ARHGAP42: variants seen among roughly 807,000 people sequenced by gnomAD.
The protein encoded by ARHGAP42 is rho GTPase-activating protein 42.
ARHGAP42 carries 63 observed loss-of-function variants against 125.0 expected under a neutral mutation model. The observed-to-expected ratio is 0.50, with a 90% CI of 0.41 to 0.62. The LOEUF is 0.62. Among genes scored for constraint, ARHGAP42 ranks in the 20% least tolerant of loss-of-function variants. The pLI, the probability that ARHGAP42 is intolerant of heterozygous loss-of-function variation, is 0.00. For synonymous variants in ARHGAP42, 339 were observed against 351.0 expected (o/e 0.97, Z 0.38); for missense variants, 766 against 1,024.2 (o/e 0.75, Z 3.44).
rs1336273656 is a variant in ARHGAP42, at chr11:100,896,166, A to G, written c.385-17286A>G. Among the ~76,000 whole-genome samples, 13 of 152,354 alleles carry G rather than the reference A, an allele frequency of 8.5e-5. No homozygotes were observed. In the South Asian group the frequency reaches 1.2e-3, roughly 15 times the overall value. ...CTTCATCCATGTTCCTGCAAAGGAC[A>G]TGAACTCATCCTTTTTTATGGCTGC... is the stretch of plus-strand genomic sequence containing the variant. On this transcript the variant is annotated intron_variant, in intron 4 of 23. Coordinates refer to ENST00000298815, the MANE Select transcript of ARHGAP42 (RefSeq NM_152432.4).
chr11:100,754,574 G>A (rs563148053), intron 1 of ARHGAP42, among the ~76,000 whole-genome samples: 2 of 152,166 alleles, frequency 1.3e-5, no homozygotes, highest in Non-Finnish European at 2.9e-5. Flanking sequence ...AAGGAACATT[G>A]TTTAATATTG....
chr11:100,733,919 A>C (rs911559800), intron 1 of ARHGAP42, among the ~76,000 whole-genome samples: 1 of 149,794 alleles, frequency 6.7e-6, no homozygotes, highest in Non-Finnish European at 1.5e-5. Context: ...ACTTCCTTCC[A>C]AAGCAAAGTT....
intron 4 of ARHGAP42, among the ~76,000 whole-genome samples, chr11:100,863,053 ACACAAAACACACACAC>A (rs1565247640): frequency 1.5e-5 from 1 of 64,928 alleles, no homozygotes; most frequent in Non-Finnish European, 3.0e-5. Context: ...AAAAAAAAAA[ACACAAAACACACACAC>A]ACACACACAC....
At chr11:100,690,037 C>A (rs927313567) in intron 1 of ARHGAP42, among the ~76,000 whole-genome samples, 3 of 152,124 alleles carry the variant, frequency 2.0e-5, no homozygotes, top group Non-Finnish European at 4.4e-5. Flanking sequence ...CCAGACATGT[C>A]CCCTGGCATA....
At chr11:100,729,702 C>G (rs1328942440) in intron 1 of ARHGAP42, among the ~76,000 whole-genome samples, 1 of 152,022 alleles carries the variant, frequency 6.6e-6, no homozygotes, top group Admixed American at 6.6e-5. Context: ...CCATGTTATA[C>G]TACAGCAGAG....
At chr11:100,793,820 C>G (rs969366904) in intron 2 of ARHGAP42, among the ~76,000 whole-genome samples, 8 of 151,916 alleles carry the variant, frequency 5.3e-5, no homozygotes, top group African/African-American at 1.5e-4. Flanking sequence ...GCCTGTAATC[C>G]CAGCACTTTG....
intron 2 of ARHGAP42, among the ~76,000 whole-genome samples, chr11:100,791,505 G>A (rs183262423): frequency 8.2e-4 from 124 of 151,970 alleles, no homozygotes; most frequent in Admixed American, 1.8e-3. Context: ...AAAAAGTTAG[G>A]CCACTGTTAC....
chr11:100,737,526 T>C (rs893932178), intron 1 of ARHGAP42, among the ~76,000 whole-genome samples: 1 of 152,148 alleles, frequency 6.6e-6, no homozygotes, highest in Non-Finnish European at 1.5e-5. Flanking sequence ...CTTTCATGTG[T>C]TTCCATTTCT....
chr11:100,904,964 C>A (rs1191526557), intron 4 of ARHGAP42, among the ~76,000 whole-genome samples: 1 of 152,204 alleles, frequency 6.6e-6, no homozygotes, highest in Non-Finnish European at 1.5e-5. Context: ...CAGTACCAGT[C>A]ACAAAATGGG....
At chr11:100,747,466 A>G (rs753551277) in intron 1 of ARHGAP42, among the ~76,000 whole-genome samples, 3 of 152,196 alleles carry the variant, frequency 2.0e-5, no homozygotes, top group Non-Finnish European at 2.9e-5. Context: ...TTAACCTTTT[A>G]TAATTTTTGT....
chr11:100,750,415 T>G (rs61618525), intron 1 of ARHGAP42, among the ~76,000 whole-genome samples: 1,766 of 126,688 alleles, frequency 0.014, 27 homozygotes, highest in African/African-American at 0.047. Flanking sequence ...GGTTTGGCGG[T>G]AAAAATGGTT....
rs748479604 is a variant in ARHGAP42 at position 100,976,874 on chromosome 11, C to A, written c.2296C>A (p.Pro766Thr). 1 of 1,551,428 alleles carries A rather than the reference C, an allele frequency of 6.4e-7. No individual in the cohort carries two copies. The highest frequency in any genetic ancestry group is 2.0e-5 in the Admixed American group (1 of 50,956). Residue 766 changes from proline (P) to threonine (T), a missense_variant, in exon 21 of 24, where the codon CCC becomes ACC. Physicochemically the swap from Pro to Thr is conservative, Grantham distance 38. Coordinates refer to ENST00000298815, the MANE Select transcript of ARHGAP42 (RefSeq NM_152432.4). ...AACTTCTGTAGGTTCCAAGGAGACACCCAAAGCTTCACCAAACCCAGACCT... is the reference window on the plus strand; with the variant it reads ...AACTTCTGTAGGTTCCAAGGAGACAACCAAAGCTTCACCAAACCCAGACCT... ...SLTSVGSKET[P>T]KASPNPDLPP...
intron 4 of ARHGAP42, among the ~76,000 whole-genome samples, chr11:100,891,836 T>G (rs1866227561): frequency 6.6e-6 from 1 of 152,082 alleles, no homozygotes; most frequent in African/African-American, 2.4e-5. Flanking sequence ...AGGTATGAAG[T>G]GCCTTGTGGA....
chr11:100,975,857 GT>G (rs1419096084), intron 19 of ARHGAP42, among the ~76,000 whole-genome samples, 199 bp from the exon 20 acceptor site: 1 of 152,106 alleles, frequency 6.6e-6, no homozygotes, highest in Non-Finnish European at 1.5e-5. Context: ...TGAAAAATAC[GT>G]TTGGCAAGTT....
At chr11:100,778,444 G>A (rs1411545385) in intron 2 of ARHGAP42, among the ~76,000 whole-genome samples, 2 of 152,024 alleles carry the variant, frequency 1.3e-5, no homozygotes, top group African/African-American at 4.8e-5. Context: ...GTATTAAAGT[G>A]GAACATTTCT....
chr11:100,863,037 CA>C (rs71053151), intron 4 of ARHGAP42, among the ~76,000 whole-genome samples: 73,578 of 111,924 alleles, frequency 0.66, 22,712 homozygotes, highest in East Asian at 0.76. Context: ...AACTCCGTCT[CA>C]AAAAAAAAAA....
At chr11:100,746,451 A>C (rs1209221102) in intron 1 of ARHGAP42, among the ~76,000 whole-genome samples, 3 of 152,248 alleles carry the variant, frequency 2.0e-5, no homozygotes, top group African/African-American at 7.2e-5. Flanking sequence ...GAAAGGGGAC[A>C]ATCTGGGCCT....
At chr11:100,746,359 G>A (rs927823331) in intron 1 of ARHGAP42, among the ~76,000 whole-genome samples, 3 of 152,176 alleles carry the variant, frequency 2.0e-5, no homozygotes, top group African/African-American at 7.2e-5. Flanking sequence ...ACATTGGCAC[G>A]ATTTGTTACC....
chr11:100,909,747 T>A (rs575452236), intron 4 of ARHGAP42, among the ~76,000 whole-genome samples: 1 of 152,326 alleles, frequency 6.6e-6, no homozygotes, highest in East Asian at 1.9e-4. Context: ...CTTCTGCATA[T>A]GGCTGTCCAA....
Sources: gnomAD v4.1 joint callset for allele counts (sites outside exome capture counted in the v4.1 genomes callset) on GRCh38, gnomAD v4.1.1 for gene constraint, MANE v1.5 for transcripts, NCBI Gene and HGNC (gene_info 2026-07-23, HGNC 2026-07-21) for gene names.